ZNF385D: variants seen among roughly 807,000 people sequenced by gnomAD.
ZNF385D encodes the protein zinc finger protein 659.
In ZNF385D, 15 loss-of-function variants were observed where a neutral mutation model predicts 35.8. The observed-to-expected ratio is 0.42, with a 90% confidence interval of 0.28 to 0.64. The LOEUF is 0.64. Ranked by LOEUF, ZNF385D falls within the 30% of genes least tolerant of loss-of-function variation. The pLI is 0.23. For missense variants in ZNF385D, 474 were observed against 494.6 expected (o/e 0.96, Z 0.39); for synonymous variants, 212 against 186.8 (o/e 1.13, Z -1.10).
chr3:21,677,057 A>G (rs1214806610), intron 1 of ZNF385D, among the ~76,000 whole-genome samples: 2 of 152,128 alleles, frequency 1.3e-5, no homozygotes, highest in African/African-American at 4.8e-5. Context: ...AAGGAAAGGG[A>G]CATCTATATT....
At chr3:22,285,781 A>G (rs2125388508) in intron 2 of ZNF385D, among the ~76,000 whole-genome samples, 1 of 152,284 alleles carries the variant, frequency 6.6e-6, no homozygotes, top group East Asian at 1.9e-4. Context: ...GTCTTCACAC[A>G]AAGACGGCAT....
chr3:21,466,763 G>A (rs935055087), intron 4 of ZNF385D, among the ~76,000 whole-genome samples: 14 of 152,108 alleles, frequency 9.2e-5, no homozygotes, highest in South Asian at 4.2e-4. Flanking sequence ...CCCACTACAC[G>A]CTCTTCTCCT....
chr3:21,956,318 T>TAC (rs1702285686), intron 3 of ZNF385D, among the ~76,000 whole-genome samples: 2 of 152,082 alleles, frequency 1.3e-5, no homozygotes, highest in African/African-American at 4.8e-5. Context: ...ACCTGCTGTA[T>TAC]AGGGGCTTCC....
intron 2 of ZNF385D, among the ~76,000 whole-genome samples, chr3:21,650,244 G>T (rs1181987249): frequency 6.6e-6 from 1 of 152,044 alleles, no homozygotes; most frequent in African/African-American, 2.4e-5. Flanking sequence ...TATAAACAAA[G>T]TTCATCTATT....
At chr3:21,818,165 CG>C (rs1244787471) in intron 3 of ZNF385D, among the ~76,000 whole-genome samples, 2 of 131,440 alleles carry the variant, frequency 1.5e-5, no homozygotes, top group Non-Finnish European at 3.2e-5. Context: ...ACACCACACA[CG>C]GGGGCCTGTC....
chr3:21,732,616 T>G (rs2069072148), intron 1 of ZNF385D, among the ~76,000 whole-genome samples: 1 of 152,210 alleles, frequency 6.6e-6, no homozygotes, highest in Non-Finnish European at 1.5e-5. Context: ...CATTGTTGTT[T>G]TAATTTGCAT....
At chr3:22,264,933 T>C (rs1241899426) in intron 2 of ZNF385D, among the ~76,000 whole-genome samples, 3 of 151,912 alleles carry the variant, frequency 2.0e-5, no homozygotes, top group Admixed American at 6.6e-5. Context: ...CTAATCTGGG[T>C]TCTGTAGTAG....
chr3:22,023,672 T>C (rs1697359337), intron 3 of ZNF385D, among the ~76,000 whole-genome samples: 1 of 151,780 alleles, frequency 6.6e-6, no homozygotes. Flanking sequence ...TTTTTTTTTA[T>C]CAAACTGATG....
chr3:21,784,584 C>T (rs2071613770), intron 3 of ZNF385D, among the ~76,000 whole-genome samples: 1 of 151,480 alleles, frequency 6.6e-6, no homozygotes, highest in South Asian at 2.1e-4. Context: ...TGCACTTGGA[C>T]ACAAAATTTA....
chr3:21,457,736 C>T (rs1178352344), intron 4 of ZNF385D, among the ~76,000 whole-genome samples: 1 of 152,100 alleles, frequency 6.6e-6, no homozygotes, highest in Non-Finnish European at 1.5e-5. Context: ...CTCTGAAAAA[C>T]AGGATGTTTA....
chr3:21,532,421 T>C (rs1160989501), intron 3 of ZNF385D, among the ~76,000 whole-genome samples: 5 of 152,200 alleles, frequency 3.3e-5, no homozygotes, highest in South Asian at 2.1e-4. Flanking sequence ...TGATGAATTA[T>C]ATAAATCGCA....
chr3:21,793,053 A>G (rs2071994398), intron 3 of ZNF385D, among the ~76,000 whole-genome samples: 2 of 152,320 alleles, frequency 1.3e-5, no homozygotes, highest in South Asian at 2.1e-4. Flanking sequence ...TTCAGAACAC[A>G]TAGCCACCAT....
chr3:22,136,665 G>A (rs1271442354), intron 3 of ZNF385D, among the ~76,000 whole-genome samples: 1 of 152,150 alleles, frequency 6.6e-6, no homozygotes, highest in Non-Finnish European at 1.5e-5. Flanking sequence ...ATTAATCATT[G>A]CCAAAACGTG....
chr3:21,677,736 T>G (rs995240353), intron 1 of ZNF385D, among the ~76,000 whole-genome samples: 2 of 151,980 alleles, frequency 1.3e-5, no homozygotes, highest in Non-Finnish European at 2.9e-5. Flanking sequence ...TAATAACCAC[T>G]CTAAATTTTG....
chr3:21,824,621 C>G (rs1559661563), intron 3 of ZNF385D, among the ~76,000 whole-genome samples: 2 of 151,872 alleles, frequency 1.3e-5, no homozygotes, highest in African/African-American at 4.8e-5. Context: ...TATCCATAGC[C>G]TAGATTTTCT....
intron 6 of ZNF385D, among the ~76,000 whole-genome samples, chr3:21,424,322 T>TATATATA (rs1367584308): frequency 8.1e-6 from 1 of 123,874 alleles, no homozygotes; most frequent in African/African-American, 3.0e-5. Flanking sequence ...TATATATTTT[T>TATATATA]TTTTTTTTTT....
At chr3:21,585,975 T>G (rs891294367) in intron 2 of ZNF385D, among the ~76,000 whole-genome samples, 1 of 151,962 alleles carries the variant, frequency 6.6e-6, no homozygotes, top group Non-Finnish European at 1.5e-5. Context: ...CCAAGACCAG[T>G]CTCGGCAACA....
intron 3 of ZNF385D, among the ~76,000 whole-genome samples, chr3:22,034,210 C>T (rs1698181261): frequency 6.6e-6 from 1 of 152,134 alleles, no homozygotes; most frequent in Non-Finnish European, 1.5e-5. Context: ...ATGAAGTCTT[C>T]AGGGCGAAGT....
At chr3:22,043,453 A>C (rs528118196) in intron 3 of ZNF385D, among the ~76,000 whole-genome samples, 2 of 152,272 alleles carry the variant, frequency 1.3e-5, no homozygotes, top group Non-Finnish European at 2.9e-5. Context: ...ATTTTAAAAC[A>C]AAGGAAAGTA....
Sources: allele counts gnomAD v4.1 joint callset (sites outside exome capture counted in the v4.1 genomes callset), GRCh38; gene constraint gnomAD v4.1.1; transcripts MANE v1.5; gene names NCBI Gene and HGNC (gene_info 2026-07-23, HGNC 2026-07-21).